Variants in CCSER2 observed in about 807,000 individuals in gnomAD.
CCSER2 encodes serine-rich coiled-coil domain-containing protein 2.
A neutral mutation model predicts 92.3 loss-of-function variants in CCSER2; 46 were observed. The ratio of observed to expected loss-of-function variants is 0.50; its 90% CI spans 0.39 to 0.64. CCSER2 has a LOEUF of 0.64. CCSER2 is among the 30% of genes least tolerant of loss of function. The pLI is 0.00. For synonymous variants in CCSER2, 433 were observed against 431.4 expected (o/e 1.00, Z -0.04); for missense variants, 1,244 against 1,238.9 (o/e 1.00, Z -0.06).
intron 3 of CCSER2, among the ~76,000 whole-genome samples, chr10:84,409,251 A>G (rs1842524631): frequency 6.6e-6 from 1 of 152,074 alleles, no homozygotes; most frequent in African/African-American, 2.4e-5. Context: ...GTGGCCTCTC[A>G]AAGTGCTGGG....
At chr10:84,485,648 C>G (rs1341930673) in intron 9 of CCSER2, among the ~76,000 whole-genome samples, 1 of 152,090 alleles carries the variant, frequency 6.6e-6, no homozygotes, top group Non-Finnish European at 1.5e-5. Context: ...TTGATTCTCC[C>G]AATTTATGAA....
At chr10:84,420,635 A>T (rs150882435) in intron 4 of CCSER2, among the ~76,000 whole-genome samples, 2 of 152,012 alleles carry the variant, frequency 1.3e-5, no homozygotes. Flanking sequence ...TGCAGGTTTG[A>T]TAAAGATTTA....
At chr10:84,483,953 T>TTTTATATATATA in intron 9 of CCSER2, among the ~76,000 whole-genome samples, 1 of 48,054 alleles carries the variant, frequency 2.1e-5, no homozygotes, top group East Asian at 9.8e-4. Context: ...CCCGGCTAAT[T>TTTTATATATATA]TATATATATA....
Position 84,514,173 on chromosome 10 carries a change from A to G in CCSER2, c.3050A>G (p.Lys1017Arg), listed in dbSNP as rs1470480846. 6.5e-7 allele frequency: 1 copy of G among 1,536,404 alleles called. No homozygotes were observed. Among genetic ancestry groups the G allele is most frequent in the Admixed American group, 2.0e-5 (1 of 50,994 alleles). The change falls in exon 10 of 10, where the codon AAA (lysine) becomes AGA (arginine). Residue 1017 changes from lysine (K) to arginine (R), a missense_variant. Coordinates refer to ENST00000372088, the MANE Select transcript of CCSER2 (RefSeq NM_001284240.2). ...ATCCCAAGGCCACTAACACAACGAAAAGAAATCATGCAGAATCCAAATGGC... is the reference window on the plus strand; with the variant it reads ...ATCCCAAGGCCACTAACACAACGAAGAGAAATCATGCAGAATCCAAATGGC... ...TSIPRPLTQR[K>R]EIMQNPNGNL...
intron 1 of CCSER2, among the ~76,000 whole-genome samples, chr10:84,331,116 A>T (rs117868788): frequency 0.026 from 4,004 of 152,344 alleles, 72 homozygotes; most frequent in Middle Eastern, 0.058. Context: ...TTCAACTTTA[A>T]AAATTTTACG....
At position 84,372,438 on chromosome 10, in the gene CCSER2, A is replaced by G. The variant is rs1206955350; in HGVS notation, c.1386A>G (p.Lys462=). The G allele has an allele frequency of 1.3e-6, 2 of 1,580,678 alleles. No homozygotes were observed. Among genetic ancestry groups the G allele is most frequent in the Non-Finnish European group, 8.5e-7 (1 of 1,169,972 alleles). ...SPKENEKAFS[K]TDEWIDISVS... The stretch of plus-strand genomic sequence containing the variant: ...AGGAAAATGAAAAAGCCTTCAGTAA[A>G]ACTGATGAATGGATAGATATAAGTG... The change falls in exon 2 of 10, where the codon AAA becomes AAG. Residue 462 remains lysine, a synonymous_variant. Coordinates refer to ENST00000372088, the MANE Select transcript of CCSER2 (RefSeq NM_001284240.2).
In CCSER2 at chr10:84,361,309, G is replaced by A. The variant is rs79321659; in HGVS notation, c.-39-9705G>A. 1.3e-3 allele frequency among the ~76,000 whole-genome samples: 199 copies of A among 152,224 alleles called. 2 individuals are homozygous for A. The East Asian group carries it at 0.037, about 28-fold the overall frequency. On this transcript the variant is annotated intron_variant, in intron 1 of 9. Transcript: ENST00000372088. Reference sequence around the variant, plus strand: ...CAAAAGTGAAACTGTTAAATGTCCCGTCTCTCCTGGGAGGGGCTTGTCTCC... The same window carrying A: ...CAAAAGTGAAACTGTTAAATGTCCCATCTCTCCTGGGAGGGGCTTGTCTCC...
chr10:84,489,426 A>G (rs1294450378), intron 9 of CCSER2, among the ~76,000 whole-genome samples: 2 of 152,120 alleles, frequency 1.3e-5, no homozygotes, highest in Non-Finnish European at 1.5e-5. Context: ...GTGCTCCTGT[A>G]TTGGGTGCAT....
chr10:84,457,330 AT>A (rs1268340162), intron 6 of CCSER2, among the ~76,000 whole-genome samples: 1 of 46,862 alleles, frequency 2.1e-5, no homozygotes, highest in African/African-American at 6.0e-5. Context: ...ATTATATATA[AT>A]ATATTATATA....
intron 1 of CCSER2, among the ~76,000 whole-genome samples, chr10:84,347,451 G>C (rs1037081150): frequency 4.7e-5 from 7 of 150,466 alleles, no homozygotes; most frequent in African/African-American, 1.7e-4. Flanking sequence ...GGCTGGCCGG[G>C]CGGGGGCTGA....
rs1844239766 is a variant in CCSER2, at chr10:84,437,437, T to G, written c.1869-1075T>G. 2.0e-5 allele frequency among the ~76,000 whole-genome samples: 3 copies of G among 151,668 alleles called. No individual in the cohort carries two copies. The South Asian group carries it at 6.3e-4, about 32-fold the overall frequency. On this transcript the variant is annotated intron_variant, in intron 5 of 9. Coordinates refer to ENST00000372088, the MANE Select transcript of CCSER2 (RefSeq NM_001284240.2). ...GTTGAGGCAGGAGAATCGCTTGAAC[T>G]CCGGAGGCAGAGGTTACAATGAGCC...
rs1268945421 is a variant in CCSER2 at position 84,334,435 on chromosome 10, C to T, written c.-40+5627C>T. Among the ~76,000 whole-genome samples the T allele has an allele frequency of 3.9e-5, 6 of 152,076 alleles. No homozygotes were observed. In the East Asian group the frequency reaches 1.2e-3, roughly 29 times the overall value. ...TGAGATGTAATTTCTGAGTTTTTAG[C>T]TCTTCTCTGATGAGTTGATTGGTTT... is the stretch of plus-strand genomic sequence containing the variant. On this transcript the variant is annotated intron_variant, in intron 1 of 9. Coordinates refer to ENST00000372088, the MANE Select transcript of CCSER2 (RefSeq NM_001284240.2).
At chr10:84,351,635 G>A (rs1844864274) in intron 1 of CCSER2, among the ~76,000 whole-genome samples, 1 of 152,140 alleles carries the variant, frequency 6.6e-6, no homozygotes, top group South Asian at 2.1e-4. Flanking sequence ...CTTCCGAATA[G>A]CTTGGACTGT....
chr10:84,500,600 T>C (rs552916588), intron 9 of CCSER2, among the ~76,000 whole-genome samples: 1 of 152,362 alleles, frequency 6.6e-6, no homozygotes, highest in South Asian at 2.1e-4. Context: ...CTTAAAATTT[T>C]TGTTTATGTT....
intron 7 of CCSER2, among the ~76,000 whole-genome samples, chr10:84,469,857 C>G (rs1180077079): frequency 6.6e-6 from 1 of 152,044 alleles, no homozygotes; most frequent in Non-Finnish European, 1.5e-5. Flanking sequence ...ACCCTTCAGG[C>G]ACATTTATCT....
chr10:84,399,434 T>G (rs1247378894), intron 3 of CCSER2, among the ~76,000 whole-genome samples: 1 of 152,222 alleles, frequency 6.6e-6, no homozygotes, highest in Non-Finnish European at 1.5e-5. Context: ...ACAGTTTACC[T>G]GAAATCTCTC....
chr10:84,335,228 C>CTTTTT lies in CCSER2; in HGVS notation c.-40+6439_-40+6443dup, dbSNP rs1202869188. Among the ~76,000 whole-genome samples the CTTTTT allele has an allele frequency of 2.9e-4, 20 of 70,010 alleles. 2 individuals carry two copies. Among genetic ancestry groups the CTTTTT allele is most frequent in the African/African-American group, 1.1e-3 (20 of 17,484 alleles). 45.9% of individuals were successfully genotyped at this position (70,010 alleles called of 152,430 possible). On this transcript the variant is annotated intron_variant, in intron 1 of 9. Transcript: ENST00000372088. ...CCCAGCATTCTACTTCTCTCTCTCT[C>CTTTTT]TTTTTTTTTTTTTTTTTTTTTTTGA...
intron 1 of CCSER2, among the ~76,000 whole-genome samples, chr10:84,350,799 A>T (rs563536283): frequency 2.0e-5 from 3 of 152,184 alleles, no homozygotes; most frequent in African/African-American, 7.2e-5. Flanking sequence ...AGTATCTTAA[A>T]CTATTTGACA....
At chr10:84,512,366 CAG>C (rs1491245973) in intron 9 of CCSER2, among the ~76,000 whole-genome samples, 274 of 96,950 alleles carry the variant, frequency 2.8e-3, no homozygotes, top group African/African-American at 9.0e-3. Context: ...ATTATTTAAA[CAG>C]TGTGTGTGTG....
Sources: allele counts gnomAD v4.1 joint callset (sites outside exome capture counted in the v4.1 genomes callset), GRCh38; gene constraint gnomAD v4.1.1; transcripts MANE v1.5; gene names NCBI Gene and HGNC (gene_info 2026-07-23, HGNC 2026-07-21).